The following PELO variants were observed in gnomAD, a reference collection of about 807,000 sequenced individuals.
PELO encodes pelota mRNA surveillance and ribosome rescue factor, also known as protein pelota homolog.
A neutral mutation model predicts 25.9 loss-of-function variants in PELO; 19 were observed. The ratio of observed to expected loss-of-function variants is 0.73; its 90% confidence interval spans 0.51 to 1.08. The LOEUF is 1.08. Among genes scored for constraint, PELO ranks in the 50% least tolerant of loss-of-function variants. The probability of loss-of-function intolerance (pLI) is 0.00; values close to 1 mark genes in which losing one functional copy is unlikely to be tolerated. For missense variants in PELO, 498 were observed against 491.4 expected (o/e 1.01, Z -0.13); for synonymous variants, 196 against 192.2 (o/e 1.02, Z -0.16).
chr5:52,800,932 C>T lies in PELO; in HGVS notation c.538C>T (p.Arg180Trp). 1 of 1,614,136 alleles carries T rather than the reference C, an allele frequency of 6.2e-7. No individual in the cohort carries two copies. Among genetic ancestry groups the T allele is most frequent in the Non-Finnish European group, 8.5e-7 (1 of 1,179,992 alleles). The change falls in exon 2 of 3, where the codon CGG (arginine) becomes TGG (tryptophan). Residue 180 changes from arginine to tryptophan, a missense_variant. Arg to Trp is a moderately radical substitution (Grantham distance 101). Coordinates refer to ENST00000274311, the MANE Select transcript of PELO (RefSeq NM_015946.5). ...GAAAGGCAATTGCTCTCAGCATGAC[C>T]GGGCCTTGGAGCGGTTCTATGAACA... ...KRKGNCSQHD[R>W]ALERFYEQVV... is the part of the protein sequence containing the mutation.
intron 1 of PELO, among the ~76,000 whole-genome samples, chr5:52,790,274 T>C (rs1430120525): frequency 3.3e-5 from 5 of 152,226 alleles, no homozygotes; most frequent in Admixed American, 3.3e-4. Context: ...TGGTTCTTTG[T>C]TGCCTTTAAG....
In PELO at chr5:52,800,473, T is replaced by A; in HGVS notation, c.79T>A (p.Trp27Arg). 1 of 1,614,048 alleles carries A rather than the reference T, an allele frequency of 6.2e-7. No homozygotes were observed. Among genetic ancestry groups the A allele is most frequent in the East Asian group, 2.2e-5 (1 of 44,860 alleles). Residue 27 changes from tryptophan to arginine, a missense_variant, in exon 2 of 3, where the codon TGG becomes AGG. By Grantham distance (101) the Trp-to-Arg change is moderately radical. Coordinates refer to ENST00000274311, the MANE Select transcript of PELO (RefSeq NM_015946.5). ...GGTCCCCGAGGAGCCTGAGGACATG[T>A]GGCACACTTACAACCTCGTGCAGGT... Reference protein sequence around the residue: ...TLVPEEPEDMWHTYNLVQVGD... With the variant: ...TLVPEEPEDMRHTYNLVQVGD...
intron 1 of PELO, among the ~76,000 whole-genome samples, chr5:52,797,773 G>A (rs188495309): frequency 6.6e-6 from 1 of 152,292 alleles, no homozygotes; most frequent in Admixed American, 6.5e-5. Flanking sequence ...CTTCCCCATA[G>A]TTGATTTTCT....
chr5:52,801,273 G>A (rs1202398688), intron 2 of PELO, 136 bp from the exon 3 acceptor site: 12 of 1,138,368 alleles, frequency 1.1e-5, no homozygotes, highest in Non-Finnish European at 1.4e-5. Flanking sequence ...AATGTTAAAT[G>A]TCTAGCAAAT....
intron 2 of PELO, 86 bp from the exon 3 acceptor site, chr5:52,801,323 A>G: frequency 8.2e-7 from 1 of 1,220,714 alleles, no homozygotes; most frequent in Non-Finnish European, 1.2e-6. Flanking sequence ...AAGCCTTACT[A>G]GCGCTTTTGG....
intron 1 of PELO, among the ~76,000 whole-genome samples, chr5:52,790,874 T>G (rs1748224126): frequency 6.6e-6 from 1 of 152,220 alleles, no homozygotes; most frequent in South Asian, 2.1e-4. Context: ...AGCCAATCAC[T>G]TTTCTTTACT....
Position 52,801,052 on chromosome 5 carries a change from T to C in PELO, c.658T>C (p.Tyr220His), listed in dbSNP as rs764192082. Residue 220 changes from tyrosine to histidine, a missense_variant, in exon 2 of 3, where the codon TAC becomes CAC. By Grantham distance (83) the Tyr-to-His change is moderately conservative (BLOSUM62 2). Coordinates refer to ENST00000274311, the MANE Select transcript of PELO (RefSeq NM_015946.5). The part of the protein sequence containing the change: ...PGFVREQFCD[Y>H]LFQQAVKTDN... ...ATTTGTGAGGGAGCAGTTCTGCGACTACCTGTTTCAACAAGCAGTGAAGAC... is the reference window on the plus strand; with the variant it reads ...ATTTGTGAGGGAGCAGTTCTGCGACCACCTGTTTCAACAAGCAGTGAAGAC... 1.2e-6 allele frequency: 2 copies of C among 1,613,812 alleles called. No homozygotes were observed. Among genetic ancestry groups the C allele is most frequent in the Non-Finnish European group, 1.7e-6 (2 of 1,179,850 alleles).
chr5:52,800,871 T>A lies in PELO; in HGVS notation c.477T>A (p.Thr159=). 1 of 1,611,382 alleles carries A rather than the reference T, an allele frequency of 6.2e-7. No individual in the cohort carries two copies. Among genetic ancestry groups the A allele is most frequent in the South Asian group, 1.1e-5 (1 of 90,844 alleles). The change falls in exon 2 of 3, where the codon ACT becomes ACA. Residue 159 remains threonine (T), a synonymous_variant. Transcript: ENST00000274311. The part of the protein sequence containing the change: ...ICLVTPSMTL[T]RAKVEVNIPR... Reference sequence around the variant, plus strand: ...TAGTCACTCCCAGCATGACCCTCACTCGGGCCAAGGTGGAGGTGAACATCC... The same window carrying A: ...TAGTCACTCCCAGCATGACCCTCACACGGGCCAAGGTGGAGGTGAACATCC...
Position 52,801,923 on chromosome 5 carries a change from G to A in PELO, c.*83G>A. 9.7e-7 allele frequency: 1 copy of A among 1,033,348 alleles called. No individual in the cohort carries two copies. Among genetic ancestry groups the A allele is most frequent in the Non-Finnish European group, 1.4e-6 (1 of 723,274 alleles). The allele number at this position is 1,033,348 out of a possible 1,614,324, so 64.0% of individuals were successfully genotyped here. A position where few individuals can be genotyped will look rare whatever the true frequency, so the allele number is the denominator to read the frequency against. On this transcript the variant is annotated 3_prime_UTR_variant, in exon 3 of 3. Coordinates refer to ENST00000274311, the MANE Select transcript of PELO (RefSeq NM_015946.5). Reference sequence around the variant, plus strand: ...CTCAGCATCCTTGTGACAGAAAGCTGCAAGAATGGCACTTTTTGATTCATA... The same window carrying A: ...CTCAGCATCCTTGTGACAGAAAGCTACAAGAATGGCACTTTTTGATTCATA...
At chr5:52,795,687 C>T (rs1748327400) in intron 1 of PELO, among the ~76,000 whole-genome samples, 1 of 151,910 alleles carries the variant, frequency 6.6e-6, no homozygotes, top group South Asian at 2.1e-4. Context: ...TTAAAATGAG[C>T]TCTTGTCCCT....
In PELO at chr5:52,800,949, C is replaced by A; in HGVS notation, c.555C>A (p.Phe185Leu). 1 of 1,614,186 alleles carries A rather than the reference C, an allele frequency of 6.2e-7. No individual in the cohort carries two copies. Among genetic ancestry groups the A allele is most frequent in the African/African-American group, 1.3e-5 (1 of 75,056 alleles). The change falls in exon 2 of 3, where the codon TTC (phenylalanine) becomes TTA (leucine). Residue 185 changes from phenylalanine to leucine, a missense_variant. Physicochemically the swap from Phe to Leu is conservative, Grantham distance 22. Coordinates refer to ENST00000274311, the MANE Select transcript of PELO (RefSeq NM_015946.5). ...AGCATGACCGGGCCTTGGAGCGGTTCTATGAACAGGTGGTCCAGGCTATCC... is the reference window on the plus strand; with the variant it reads ...AGCATGACCGGGCCTTGGAGCGGTTATATGAACAGGTGGTCCAGGCTATCC... ...CSQHDRALER[F>L]YEQVVQAIQR...
rs999394146 is a variant in PELO, at chr5:52,788,336, G to T, written c.-589G>T. 5 of 1,497,258 alleles carry T rather than the reference G, an allele frequency of 3.3e-6. No individual in the cohort carries two copies. In the African/African-American group the frequency reaches 4.4e-5, roughly 13 times the overall value. The allele number at this position is 1,497,258 out of a possible 1,614,324, so 92.7% of individuals were successfully genotyped here. Reference sequence around the variant, plus strand: ...CTGCGAACCAGCGCGGCCCCCTGGCGCTGAGGCTGCTCCGGCCATGGCCCC... The same window carrying T: ...CTGCGAACCAGCGCGGCCCCCTGGCTCTGAGGCTGCTCCGGCCATGGCCCC... On this transcript the variant is annotated 5_prime_UTR_variant, in exon 1 of 3. Coordinates refer to ENST00000274311, the MANE Select transcript of PELO (RefSeq NM_015946.5).
At position 52,788,413 on chromosome 5, in the gene PELO, T is replaced by C; in HGVS notation, c.-512T>C. 1 of 1,509,578 alleles carries C rather than the reference T, an allele frequency of 6.6e-7. No homozygotes were observed. The highest frequency in any genetic ancestry group is 8.8e-7 in the Non-Finnish European group (1 of 1,131,470). The allele number at this position is 1,509,578 out of a possible 1,614,324, so 93.5% of individuals were successfully genotyped here. The stretch of plus-strand genomic sequence containing the variant: ...CTGTCGCCTGCTGCTGGCTCCTCAC[T>C]GGTGAGCGACTCGCTTTTCTCTGAG... On this transcript the variant is annotated splice_region_variant and 5_prime_UTR_variant, in exon 1 of 3. Coordinates refer to ENST00000274311, the MANE Select transcript of PELO (RefSeq NM_015946.5).
rs1277447148 is a variant in PELO, at chr5:52,803,132, C to G, written c.*1292C>G. Reference sequence around the variant, plus strand: ...ACTAACTAAACTTTCGCCGGTCTTTCCTGTGTCTGTGGGCCTTCCTCCTGG... The same window carrying G: ...ACTAACTAAACTTTCGCCGGTCTTTGCTGTGTCTGTGGGCCTTCCTCCTGG... On this transcript the variant is annotated 3_prime_UTR_variant, in exon 3 of 3. Coordinates refer to ENST00000274311, the MANE Select transcript of PELO (RefSeq NM_015946.5). 1 of 152,184 alleles carries G rather than the reference C, an allele frequency of 6.6e-6. No individual in the cohort carries two copies. Among genetic ancestry groups the G allele is most frequent in the Admixed American group, 6.5e-5 (1 of 15,276 alleles). 9.4% of individuals were successfully genotyped at this position (152,184 alleles called of 1,614,324 possible). A position where few individuals can be genotyped will look rare whatever the true frequency, so the allele number is the denominator to read the frequency against.
intron 1 of PELO, among the ~76,000 whole-genome samples, chr5:52,794,451 T>C (rs1006178821): frequency 1.3e-5 from 2 of 151,580 alleles, no homozygotes; most frequent in Non-Finnish European, 3.0e-5. Flanking sequence ...ACTTATAATA[T>C]TTTTGGTGAA....
chr5:52,789,194 G>C (rs1245167663), intron 1 of PELO, among the ~76,000 whole-genome samples: 10 of 152,056 alleles, frequency 6.6e-5, no homozygotes, highest in Admixed American at 2.6e-4. Context: ...CTCATGGTCA[G>C]ATCTTTTTTA....
chr5:52,791,098 C>T (rs995558419), intron 1 of PELO, among the ~76,000 whole-genome samples: 6 of 152,140 alleles, frequency 3.9e-5, no homozygotes, highest in African/African-American at 7.2e-5. Flanking sequence ...CTCCTTACAA[C>T]GTTTACTAAA....
Position 52,788,430 on chromosome 5 carries a change from T to A in PELO, c.-511+16T>A. On this transcript the variant is annotated intron_variant, in intron 1 of 2. Coordinates refer to ENST00000274311, the MANE Select transcript of PELO (RefSeq NM_015946.5). ...CTCCTCACTGGTGAGCGACTCGCTT[T>A]TCTCTGAGCATCTCCTGCTCGCGGG... The A allele has an allele frequency of 2.7e-6, 4 of 1,501,862 alleles. No homozygotes were observed. Among genetic ancestry groups the A allele is most frequent in the Non-Finnish European group, 3.5e-6 (4 of 1,127,782 alleles). 93.0% of individuals were successfully genotyped at this position (1,501,862 alleles called of 1,614,324 possible).
rs1340623009 is a variant in PELO at position 52,801,700 on chromosome 5, G to T, written c.1018G>T (p.Ala340Ser). The change falls in exon 3 of 3, where the codon GCA becomes TCA. Residue 340 changes from alanine (A) to serine (S), a missense_variant. Coordinates refer to ENST00000274311, the MANE Select transcript of PELO (RefSeq NM_015946.5). ...VRLVDSVKEN[A>S]GTVRIFSSLH... Reference sequence around the variant, plus strand: ...GCTGGTGGACAGTGTGAAAGAGAATGCAGGCACCGTTAGGATATTCTCTAG... The same window carrying T: ...GCTGGTGGACAGTGTGAAAGAGAATTCAGGCACCGTTAGGATATTCTCTAG... The T allele has an allele frequency of 4.3e-6, 7 of 1,614,054 alleles. No homozygotes were observed. Among genetic ancestry groups the T allele is most frequent in the East Asian group, 2.2e-5 (1 of 44,896 alleles).
Sources: gnomAD v4.1 joint callset for allele counts (sites outside exome capture counted in the v4.1 genomes callset) on GRCh38, gnomAD v4.1.1 for gene constraint, MANE v1.5 for transcripts, NCBI Gene and HGNC (gene_info 2026-07-23, HGNC 2026-07-21) for gene names.